Variants in SRGAP3 observed in about 807,000 individuals in gnomAD.
SRGAP3 encodes the protein SLIT-ROBO Rho GTPase-activating protein 3.
SRGAP3 carries 39 observed loss-of-function variants against 121.1 expected under a neutral mutation model. That is an observed-to-expected ratio of 0.32 (90% CI 0.25 to 0.42). SRGAP3 has a LOEUF of 0.42. SRGAP3 is among the 10% of genes least tolerant of loss of function. SRGAP3 has a pLI of 1.00. For missense variants in SRGAP3, 1,213 were observed against 1,470.6 expected, an observed-to-expected ratio of 0.82 and a Z score of 2.86; for synonymous variants, 601 against 570.0, an observed-to-expected ratio of 1.05 and a Z score of -0.77.
chr3:9,155,141 T>C (rs113112352), intron 1 of SRGAP3, among the ~76,000 whole-genome samples: 43 of 152,328 alleles, frequency 2.8e-4, no homozygotes, highest in African/African-American at 1.0e-3. Flanking sequence ...AGTGCCTTTA[T>C]AGCATCCTCA....
At chr3:9,189,966 T>C (rs1023654386) in intron 1 of SRGAP3, among the ~76,000 whole-genome samples, 5 of 152,222 alleles carry the variant, frequency 3.3e-5, no homozygotes, top group African/African-American at 2.4e-5. Flanking sequence ...CCAAGTACTA[T>C]CCTAAGTGCT....
chr3:9,091,594 G>A (rs577660717), intron 3 of SRGAP3, among the ~76,000 whole-genome samples: 1 of 152,232 alleles, frequency 6.6e-6, no homozygotes, highest in East Asian at 1.9e-4. Context: ...GGCTTAAAAG[G>A]CATGTCTCAG....
chr3:9,188,100 C>T (rs192684506), intron 1 of SRGAP3, among the ~76,000 whole-genome samples: 69 of 152,260 alleles, frequency 4.5e-4, no homozygotes, highest in Admixed American at 4.3e-3. Context: ...CTAGCTGTAC[C>T]CTTACCAAAC....
chr3:9,140,344 T>G (rs34132265), intron 1 of SRGAP3, among the ~76,000 whole-genome samples: 1 of 152,190 alleles, frequency 6.6e-6, no homozygotes, highest in Non-Finnish European at 1.5e-5. Flanking sequence ...TAATATATTG[T>G]TAAATGACAA....
At chr3:9,262,435 C>A (rs1223986029) in intron 3 of SRGAP3, among the ~76,000 whole-genome samples, 2 of 149,696 alleles carry the variant, frequency 1.3e-5, no homozygotes, top group African/African-American at 4.9e-5. Context: ...AAGTCAAGAC[C>A]CATCGGTGTG....
intron 1 of SRGAP3, among the ~76,000 whole-genome samples, chr3:9,343,843 A>AT (rs1313101699): frequency 6.6e-6 from 1 of 152,032 alleles, no homozygotes; most frequent in East Asian, 1.9e-4. Context: ...TAATTTTTGT[A>AT]TTTTTTGTAG....
chr3:9,012,643 G>C (rs1943432523), intron 17 of SRGAP3, among the ~76,000 whole-genome samples: 1 of 152,148 alleles, frequency 6.6e-6, no homozygotes, highest in African/African-American at 2.4e-5. Flanking sequence ...CTAGGTGAGA[G>C]GAGACAAGGG....
intron 1 of SRGAP3, among the ~76,000 whole-genome samples, chr3:9,147,914 C>T (rs369643200): frequency 6.6e-6 from 1 of 152,180 alleles, no homozygotes; most frequent in African/African-American, 2.4e-5. Context: ...ACACTCTGGC[C>T]TCTCCCTCCC....
intron 21 of SRGAP3, among the ~76,000 whole-genome samples, chr3:8,989,579 C>T (rs530378004): frequency 2.0e-5 from 3 of 152,258 alleles, no homozygotes; most frequent in Admixed American, 2.0e-4. Context: ...TCTCTGTTAC[C>T]TTATGTGGGA....
intron 1 of SRGAP3, among the ~76,000 whole-genome samples, chr3:9,212,464 G>A (rs919149213): frequency 2.6e-5 from 4 of 152,228 alleles, no homozygotes; most frequent in Non-Finnish European, 2.9e-5. Flanking sequence ...GCTCATGCCT[G>A]TAATCCCAGC....
chr3:9,127,506 G>A (rs925617870), intron 1 of SRGAP3, among the ~76,000 whole-genome samples: 2 of 152,138 alleles, frequency 1.3e-5, no homozygotes, highest in East Asian at 1.9e-4. Context: ...GGAGTGCAGC[G>A]GCCCGATCTC....
chr3:9,301,311 G>A (rs910656344), intron 3 of SRGAP3, among the ~76,000 whole-genome samples: 2 of 152,224 alleles, frequency 1.3e-5, no homozygotes, highest in African/African-American at 2.4e-5. Context: ...GGATGGCCCA[G>A]AAGTTAAGTT....
At chr3:9,206,820 C>T (rs1952282213) in intron 1 of SRGAP3, among the ~76,000 whole-genome samples, 2 of 152,198 alleles carry the variant, frequency 1.3e-5, no homozygotes, top group Non-Finnish European at 2.9e-5. Context: ...TCTCCTTCAT[C>T]GCACCTATCA....
chr3:9,245,096 A>T (rs1268654660), intron 1 of SRGAP3, among the ~76,000 whole-genome samples: 2 of 152,232 alleles, frequency 1.3e-5, no homozygotes, highest in Non-Finnish European at 2.9e-5. Flanking sequence ...GATACTGATA[A>T]TATAATCTTT....
intron 1 of SRGAP3, among the ~76,000 whole-genome samples, chr3:9,223,869 G>A (rs940824186): frequency 1.2e-4 from 18 of 152,176 alleles, no homozygotes; most frequent in Non-Finnish European, 2.1e-4. Flanking sequence ...TGTGAGATTC[G>A]ATTTGTTTCC....
chr3:9,004,864 G>A (rs183214041), intron 18 of SRGAP3, among the ~76,000 whole-genome samples: 1 of 152,258 alleles, frequency 6.6e-6, no homozygotes, highest in Non-Finnish European at 1.5e-5. Context: ...TTCGGCAAAG[G>A]CCTCTTAGAT....
chr3:9,334,209 T>A (rs1009302915), intron 1 of SRGAP3, among the ~76,000 whole-genome samples: 9 of 152,152 alleles, frequency 5.9e-5, no homozygotes, highest in East Asian at 1.9e-4. Context: ...AAAGTTTTTT[T>A]AAAAAAATTT....
chr3:9,110,015 A>ATCTG (rs1948558010), intron 2 of SRGAP3, among the ~76,000 whole-genome samples: 1 of 152,182 alleles, frequency 6.6e-6, no homozygotes, highest in Non-Finnish European at 1.5e-5. Flanking sequence ...GTCAGCAGGC[A>ATCTG]GACCTTGAAG....
intron 1 of SRGAP3, among the ~76,000 whole-genome samples, chr3:9,230,175 C>T (rs2700326): frequency 0.54 from 82,092 of 152,004 alleles, 22,388 homozygotes; most frequent in South Asian, 0.61. Context: ...ATTATCTCAT[C>T]TAACTGGCTC....
Sources: gnomAD v4.1 joint callset for allele counts (sites outside exome capture counted in the v4.1 genomes callset) on GRCh38, gnomAD v4.1.1 for gene constraint, MANE v1.5 for transcripts, NCBI Gene and HGNC (gene_info 2026-07-23, HGNC 2026-07-21) for gene names.